Variants in PRDM16 observed in about 807,000 individuals in gnomAD.
PRDM16 encodes the protein PR/SET domain 16.
In PRDM16, 23 loss-of-function variants were observed where a neutral mutation model predicts 110.6. The observed-to-expected ratio is 0.21, with a 90% CI of 0.15 to 0.29. The LOEUF is 0.29. Among genes scored for constraint, PRDM16 ranks in the 10% least tolerant of loss-of-function variants. PRDM16 has a pLI of 1.00. For missense variants in PRDM16, 1,615 were observed against 1,794.3 expected, an observed-to-expected ratio of 0.90 and a Z score of 1.81; for synonymous variants, 799 against 781.8, an observed-to-expected ratio of 1.02 and a Z score of -0.37.
At chr1:3,164,665 G>C (rs533344653) in intron 1 of PRDM16, among the ~76,000 whole-genome samples, 2 of 152,354 alleles carry the variant, frequency 1.3e-5, no homozygotes, top group African/African-American at 4.8e-5. Flanking sequence ...CGGCAGGCGA[G>C]GGGCTAGGAG....
In PRDM16 at chr1:3,081,268, C is replaced by T. The variant is rs913576184; in HGVS notation, c.37+11972C>T. ...GGCCCCTCGCGGCTGTACCCCGAGTCCCCCGTGCTGGCACCTGATAAGGGG... is the reference window on the plus strand; with the variant it reads ...GGCCCCTCGCGGCTGTACCCCGAGTTCCCCGTGCTGGCACCTGATAAGGGG... On this transcript the variant is annotated intron_variant, in intron 1 of 16. Transcript: ENST00000270722. This position sits in a 1 kb window ranked among gnomAD's most constrained non-coding sequence, Gnocchi z 4.6. 6.6e-6 allele frequency among the ~76,000 whole-genome samples: 1 copy of T among 152,210 alleles called. No homozygotes were observed. Among genetic ancestry groups the T allele is most frequent in the Non-Finnish European group, 1.5e-5 (1 of 68,040 alleles).
chr1:3,392,439 C>T (rs1643314327), intron 4 of PRDM16, among the ~76,000 whole-genome samples: 2 of 152,322 alleles, frequency 1.3e-5, no homozygotes, highest in South Asian at 2.1e-4. Flanking sequence ...AAAACAAGAA[C>T]GGCCGCTGCT....
intron 1 of PRDM16, among the ~76,000 whole-genome samples, chr1:3,120,015 C>G (rs988782978): frequency 9.4e-5 from 13 of 137,914 alleles, no homozygotes; most frequent in Non-Finnish European, 1.7e-4. Context: ...AGCTTGGGAG[C>G]CCCGCCTGGT....
At chr1:3,147,980 C>A (rs549934202) in intron 1 of PRDM16, among the ~76,000 whole-genome samples, 1 of 152,172 alleles carries the variant, frequency 6.6e-6, no homozygotes, top group South Asian at 2.1e-4. Context: ...AAACCCCATT[C>A]TCTGAACCCC....
rs534313977 is a variant in PRDM16, at chr1:3,426,271, A to C, written c.3284+46A>C. The C allele has an allele frequency of 1.4e-3, 2,247 of 1,562,988 alleles. 44 individuals are homozygous for C. The South Asian group carries it at 0.025, about 17-fold the overall frequency. On this transcript the variant is annotated intron_variant, in intron 14 of 16. Coordinates refer to ENST00000270722, the MANE Select transcript of PRDM16 (RefSeq NM_022114.4). ...TGGGGAAAGTCTGGACCCGGCCAACAGCCCTGCGTGGCCACCCTCAGAGGA... is the reference window on the plus strand; with the variant it reads ...TGGGGAAAGTCTGGACCCGGCCAACCGCCCTGCGTGGCCACCCTCAGAGGA...
At chr1:3,073,226 C>G (rs963458310) in intron 1 of PRDM16, among the ~76,000 whole-genome samples, 2 of 152,224 alleles carry the variant, frequency 1.3e-5, no homozygotes, top group South Asian at 4.1e-4. Flanking sequence ...CTCCCCCCAC[C>G]GGGCCCCTCA....
At chr1:3,332,158 T>C (rs56033677) in intron 3 of PRDM16, among the ~76,000 whole-genome samples, 25,036 of 152,300 alleles carry the variant, frequency 0.16, 4,024 homozygotes, top group African/African-American at 0.41. Context: ...CCCACTTTCC[T>C]GACAATGCGC....
At chr1:3,417,449 G>T (rs527340582) in intron 10 of PRDM16, among the ~76,000 whole-genome samples, 3 of 152,304 alleles carry the variant, frequency 2.0e-5, no homozygotes, top group South Asian at 4.1e-4. Flanking sequence ...AGAAGTGCTG[G>T]CCAGGAGTCA....
chr1:3,431,349 A>G (rs1467108265), intron 15 of PRDM16, among the ~76,000 whole-genome samples: 1 of 121,916 alleles, frequency 8.2e-6, no homozygotes, highest in Non-Finnish European at 1.6e-5. Flanking sequence ...CAGAGTGTGG[A>G]GGGGAAGGCA....
intron 1 of PRDM16, among the ~76,000 whole-genome samples, chr1:3,153,798 AAAGT>A (rs1419058919): frequency 1.3e-5 from 2 of 152,276 alleles, no homozygotes; most frequent in Admixed American, 6.5e-5. Context: ...CGTGGAACGC[AAAGT>A]AATATAGAAA....
chr1:3,367,376 C>T (rs1189293167), intron 3 of PRDM16, among the ~76,000 whole-genome samples: 4 of 152,222 alleles, frequency 2.6e-5, no homozygotes, highest in South Asian at 2.1e-4. Flanking sequence ...GAAGCGTGTG[C>T]GGGTTTCATG....
intron 1 of PRDM16, among the ~76,000 whole-genome samples, chr1:3,104,950 G>T (rs1376239567): frequency 1.3e-5 from 2 of 152,152 alleles, no homozygotes; most frequent in Non-Finnish European, 2.9e-5. Context: ...CTCTTGCAGG[G>T]TGAGTCCCTC....
chr1:3,128,594 A>G (rs1217026724), intron 1 of PRDM16, among the ~76,000 whole-genome samples: 2 of 152,176 alleles, frequency 1.3e-5, no homozygotes, highest in African/African-American at 4.8e-5. Context: ...GGGAACCCAG[A>G]GGGTGATCGG....
intron 3 of PRDM16, among the ~76,000 whole-genome samples, chr1:3,333,718 G>A (rs1393102612): frequency 6.6e-6 from 1 of 152,184 alleles, no homozygotes; most frequent in Non-Finnish European, 1.5e-5. Flanking sequence ...TGGAGGTGGA[G>A]CTTGGCAGGA....
intron 2 of PRDM16, among the ~76,000 whole-genome samples, chr1:3,204,125 C>T (rs539286004): frequency 1.3e-5 from 2 of 152,306 alleles, no homozygotes; most frequent in South Asian, 2.1e-4. Context: ...AGTAAGATGC[C>T]TTTTTAAGGC....
At chr1:3,408,711 TGA>T (rs1227550298) in intron 8 of PRDM16, among the ~76,000 whole-genome samples, 4 of 145,026 alleles carry the variant, frequency 2.8e-5, no homozygotes, top group African/African-American at 5.1e-5. Flanking sequence ...TTGGCGTGCA[TGA>T]GAGTGTGTGA....
intron 3 of PRDM16, among the ~76,000 whole-genome samples, chr1:3,286,722 G>T (rs1017437644): frequency 6.6e-6 from 1 of 152,068 alleles, no homozygotes; most frequent in Admixed American, 6.5e-5. Flanking sequence ...TTTTCATACC[G>T]ACAGCCTCTA....
intron 1 of PRDM16, among the ~76,000 whole-genome samples, chr1:3,074,562 T>G (rs1641848978): frequency 6.6e-6 from 1 of 152,212 alleles, no homozygotes; most frequent in Non-Finnish European, 1.5e-5. Flanking sequence ...ACCTGCAGGC[T>G]GGACTCCCGC....
intron 3 of PRDM16, among the ~76,000 whole-genome samples, chr1:3,275,023 C>G (rs1640550624): frequency 6.6e-6 from 1 of 152,208 alleles, no homozygotes; most frequent in African/African-American, 2.4e-5. Flanking sequence ...AGGTTGGACT[C>G]TGAGCATCCC....
Sources: allele counts gnomAD v4.1 joint callset (sites outside exome capture counted in the v4.1 genomes callset), GRCh38; gene constraint gnomAD v4.1.1; non-coding constraint Gnocchi (gnomAD v3.1); transcripts MANE v1.5; gene names NCBI Gene and HGNC (gene_info 2026-07-23, HGNC 2026-07-21).